The following ITPR2 variants were observed in gnomAD, a reference collection of about 807,000 sequenced individuals.
The protein encoded by ITPR2 is inositol 1,4,5-trisphosphate receptor type 2, also known as inositol 1,4,5-trisphosphate-gated calcium channel ITPR2.
ITPR2 carries 207 observed loss-of-function variants against 317.1 expected under a neutral mutation model. The ratio of observed to expected loss-of-function variants is 0.65; its 90% CI spans 0.58 to 0.73. The LOEUF is 0.73. Among genes scored for constraint, ITPR2 ranks in the 30% least tolerant of loss-of-function variants. The pLI is 0.00. For missense variants in ITPR2, 2,613 were observed against 3,284.0 expected (o/e 0.80, Z 4.99); for synonymous variants, 1,156 against 1,149.1 (o/e 1.01, Z -0.12).
chr12:26,591,220 C>T (rs1945693742), intron 32 of ITPR2, among the ~76,000 whole-genome samples: 1 of 151,900 alleles, frequency 6.6e-6, no homozygotes, highest in African/African-American at 2.4e-5. Flanking sequence ...CTATAAGGAC[C>T]TCAAACAACT....
intron 23 of ITPR2, 46 bp downstream of exon 23, chr12:26,627,987 T>C: frequency 3.3e-6 from 5 of 1,512,350 alleles, no homozygotes; most frequent in Non-Finnish European, 3.6e-6. Flanking sequence ...TTTCAAGTTC[T>C]CAGAAAAATA....
At chr12:26,472,976 T>C (rs957071552) in intron 45 of ITPR2, among the ~76,000 whole-genome samples, 9 of 152,162 alleles carry the variant, frequency 5.9e-5, no homozygotes, top group Admixed American at 5.9e-4. Context: ...AACCTCCACC[T>C]TCCAGGTTCA....
At chr12:26,658,738 C>T (rs1346734437) in intron 16 of ITPR2, among the ~76,000 whole-genome samples, 1 of 152,168 alleles carries the variant, frequency 6.6e-6, no homozygotes, top group East Asian at 1.9e-4. Context: ...TACGCTTGGG[C>T]AAGTTGCTCA....
At chr12:26,810,114 C>A (rs1950708505) in intron 1 of ITPR2, among the ~76,000 whole-genome samples, 1 of 152,232 alleles carries the variant, frequency 6.6e-6, no homozygotes, top group Non-Finnish European at 1.5e-5. Flanking sequence ...TTCGCAATCT[C>A]ACTTTGCCCT....
At chr12:26,755,244 G>A (rs1171520984) in intron 2 of ITPR2, among the ~76,000 whole-genome samples, 1 of 152,086 alleles carries the variant, frequency 6.6e-6, no homozygotes, top group Admixed American at 6.5e-5. Flanking sequence ...ACAAACAACT[G>A]TTATCTTGTT....
intron 2 of ITPR2, among the ~76,000 whole-genome samples, chr12:26,753,388 A>G (rs1202617219): frequency 6.6e-6 from 1 of 152,220 alleles, no homozygotes; most frequent in African/African-American, 2.4e-5. Flanking sequence ...AGGCATGTAC[A>G]GGATCGTGGG....
intron 10 of ITPR2, among the ~76,000 whole-genome samples, chr12:26,692,344 C>T (rs1298476459): frequency 2.0e-5 from 3 of 152,102 alleles, no homozygotes; most frequent in Admixed American, 6.6e-5. Flanking sequence ...GTGGATGCTG[C>T]TAAACATCCT....
chr12:26,712,202 T>A (rs996367517), intron 8 of ITPR2, among the ~76,000 whole-genome samples: 2 of 152,198 alleles, frequency 1.3e-5, no homozygotes, highest in Non-Finnish European at 2.9e-5. Flanking sequence ...TTCACAGGAT[T>A]GTTGTGAAGA....
Position 26,516,295 on chromosome 12 carries a change from A to AGGAAAGGAAAGGAAGGGAAG in ITPR2, c.5074-21036_5074-21035insCTTCCCTTCCTTTCCTTTCC, listed in dbSNP as rs1943507085. On this transcript the variant is annotated intron_variant, in intron 37 of 56. Transcript: ENST00000381340. ...AGGAAGGGAAGGGAAGGGAAAGGAA[A>AGGAAAGGAAAGGAAGGGAAG]GGAAAGGAAAGGAAAGGAAAGGAAA... 1.1e-3 allele frequency among the ~76,000 whole-genome samples: 57 copies of AGGAAAGGAAAGGAAGGGAAG among 52,546 alleles called. 3 individuals are homozygous for AGGAAAGGAAAGGAAGGGAAG. The highest frequency in any genetic ancestry group is 3.3e-3 in the African/African-American group (52 of 15,532). 34.5% of individuals were successfully genotyped at this position (52,546 alleles called of 152,430 possible).
At chr12:26,558,723 T>C (rs1472059350) in intron 35 of ITPR2, among the ~76,000 whole-genome samples, 1 of 152,232 alleles carries the variant, frequency 6.6e-6, no homozygotes, top group Non-Finnish European at 1.5e-5. Context: ...CATCCAATTC[T>C]ATGGTTTTAA....
intron 55 of ITPR2, among the ~76,000 whole-genome samples, chr12:26,346,623 CAA>C (rs35862587): frequency 7.4e-6 from 1 of 135,456 alleles, no homozygotes. Context: ...AAGACTTTCT[CAA>C]AAAAAAAAAA....
chr12:26,556,258 T>C lies in ITPR2; in HGVS notation c.4939A>G (p.Ile1647Val). 6.2e-7 allele frequency: 1 copy of C among 1,613,892 alleles called. No homozygotes were observed. The highest frequency in any genetic ancestry group is 8.5e-7 in the Non-Finnish European group (1 of 1,179,922). The change falls in exon 36 of 57, where the codon ATA becomes GTA. Residue 1647 changes from isoleucine to valine, a missense_variant. Transcript: ENST00000381340. ...TTCGACATGAAAGCGCCACATCTTA[T>C]TCTTGCATCGCTTCCCTCAGGGAAC... ...LLFPEGSDAR[I>V]RCGAFMSKLI...
chr12:26,596,970 T>C lies in ITPR2; in HGVS notation c.4167A>G (p.Lys1389=), dbSNP rs771903557. ...TACACTTGATTTCAGTGTAGACATTTTTCCCCTCTGTGCATGCTGCCAGCA... is the reference window on the plus strand; with the variant it reads ...TACACTTGATTTCAGTGTAGACATTCTTCCCCTCTGTGCATGCTGCCAGCA... ...VELLAACTEG[K]NVYTEIKCNS... The change falls in exon 31 of 57, where the codon AAA becomes AAG. Residue 1389 remains lysine (K), a synonymous_variant. Transcript: ENST00000381340. 19 of 1,612,888 alleles carry C rather than the reference T, an allele frequency of 1.2e-5. No individual in the cohort carries two copies. The East Asian group carries it at 3.3e-4, about 28-fold the overall frequency.
In ITPR2 at chr12:26,644,151, C is replaced by T. The variant is rs545098609; in HGVS notation, c.2740+9825G>A. Among the ~76,000 whole-genome samples, 9 of 152,180 alleles carry T rather than the reference C, an allele frequency of 5.9e-5. No individual in the cohort carries two copies. The East Asian group carries it at 1.4e-3, about 23-fold the overall frequency. Reference sequence around the variant, plus strand: ...ACAGGCCCAGAATATAAGGAGCTAGCGGCCAAAAAGATTTCAAAGGAGGGG... The same window carrying T: ...ACAGGCCCAGAATATAAGGAGCTAGTGGCCAAAAAGATTTCAAAGGAGGGG... On this transcript the variant is annotated intron_variant, in intron 21 of 56. Coordinates refer to ENST00000381340, the MANE Select transcript of ITPR2 (RefSeq NM_002223.4).
rs989300128 is a variant in ITPR2, at chr12:26,564,163, A to T, written c.4631-2211T>A. ...AACACAATTGGTAATCTGGAAAGGA[A>T]GTCAAGGAATCTTCTAAAAATTAAG... On this transcript the variant is annotated intron_variant, in intron 34 of 56. Coordinates refer to ENST00000381340, the MANE Select transcript of ITPR2 (RefSeq NM_002223.4). Among the ~76,000 whole-genome samples, 8 of 152,354 alleles carry T rather than the reference A, an allele frequency of 5.3e-5. No individual in the cohort carries two copies. The South Asian group carries it at 1.7e-3, about 32-fold the overall frequency.
chr12:26,400,140 C>A lies in ITPR2; in HGVS notation c.7518G>T (p.Arg2506Ser). ...TACTCTGGCTTACATCTTTCGATGG[C>A]CTTCTTAGCACATCCCCCACACCAC... ...NGGGVGDVLRRPSKDEPLFAA... is the reference protein window; with the variant it reads ...NGGGVGDVLRSPSKDEPLFAA... Residue 2506 changes from arginine to serine, a missense_variant, in exon 53 of 57, where the codon AGG (arginine) becomes AGT (serine). Coordinates refer to ENST00000381340, the MANE Select transcript of ITPR2 (RefSeq NM_002223.4). 1 of 1,609,278 alleles carries A rather than the reference C, an allele frequency of 6.2e-7. No individual in the cohort carries two copies. The highest frequency in any genetic ancestry group is 8.5e-7 in the Non-Finnish European group (1 of 1,177,282).
chr12:26,469,623 A>G (rs1942252452), intron 45 of ITPR2, among the ~76,000 whole-genome samples: 2 of 151,766 alleles, frequency 1.3e-5, no homozygotes, highest in African/African-American at 4.8e-5. Context: ...TCTACTCTTC[A>G]TTGCTCCCAG....
intron 2 of ITPR2, among the ~76,000 whole-genome samples, chr12:26,740,039 G>T (rs951476545): frequency 4.3e-4 from 66 of 152,316 alleles, no homozygotes; most frequent in African/African-American, 1.5e-3. Flanking sequence ...GCACACGGCA[G>T]CTCTCAAAAT....
Position 26,614,512 on chromosome 12 carries a change from C to A in ITPR2, c.3462+6611G>T, listed in dbSNP as rs115821513. On this transcript the variant is annotated intron_variant, in intron 26 of 56. Transcript: ENST00000381340. ...TCAAAAGATACGAGCTCAAAACCTG[C>A]ACCCAAATGTTTATAGCAGCTTTAT... Among the ~76,000 whole-genome samples, 1,140 of 152,296 alleles carry A rather than the reference C, an allele frequency of 7.5e-3. 23 individuals carry two copies. The highest frequency in any genetic ancestry group is 0.026 in the African/African-American group (1,092 of 41,552).
Sources: allele counts gnomAD v4.1 joint callset (sites outside exome capture counted in the v4.1 genomes callset), GRCh38; gene constraint gnomAD v4.1.1; transcripts MANE v1.5; gene names NCBI Gene and HGNC (gene_info 2026-07-23, HGNC 2026-07-21).